TAFA2: variants seen among roughly 807,000 people sequenced by gnomAD.
TAFA2 encodes the protein TAFA chemokine like family member 2, also known as chemokine-like protein TAFA-2.
A neutral mutation model predicts 18.8 loss-of-function variants in TAFA2; 7 were observed. The observed-to-expected ratio is 0.37, with a 90% CI of 0.21 to 0.70. TAFA2 has a LOEUF of 0.70. Ranked by LOEUF, TAFA2 falls within the 30% of genes least tolerant of loss-of-function variation. The pLI is 0.53. For missense variants in TAFA2, 122 were observed against 158.1 expected, an observed-to-expected ratio of 0.77 and a Z score of 1.23; for synonymous variants, 60 against 54.2, an observed-to-expected ratio of 1.11 and a Z score of -0.47.
intron 1 of TAFA2, among the ~76,000 whole-genome samples, chr12:62,078,851 G>C (rs888158456): frequency 2.6e-5 from 4 of 152,148 alleles, no homozygotes; most frequent in Non-Finnish European, 5.9e-5. Flanking sequence ...GACACTCTGG[G>C]TACCTCCATC....
chr12:62,035,545 TA>T (rs1160386018), intron 1 of TAFA2, among the ~76,000 whole-genome samples: 1 of 135,114 alleles, frequency 7.4e-6, no homozygotes. Flanking sequence ...AGCCATAAAA[TA>T]AAAAAAATTA....
chr12:62,015,280 G>A lies in TAFA2; in HGVS notation c.-1-147854C>T, dbSNP rs7309417. ...AGTCCAAGGATCATGTCTATTTTGT[G>A]CACCATTGCACAGCCAGCATCTAAA... On this transcript the variant is annotated intron_variant, in intron 1 of 4. Coordinates refer to ENST00000416284, the MANE Select transcript of TAFA2 (RefSeq NM_178539.5). 7.7e-3 allele frequency among the ~76,000 whole-genome samples: 1,174 copies of A among 152,232 alleles called. 17 individuals carry two copies. The highest frequency in any genetic ancestry group is 0.027 in the African/African-American group (1,123 of 41,524).
intron 1 of TAFA2, among the ~76,000 whole-genome samples, chr12:61,994,885 A>G (rs1214172929): frequency 1.3e-5 from 2 of 151,854 alleles, no homozygotes; most frequent in Non-Finnish European, 2.9e-5. Context: ...TTCTCTCTAA[A>G]CTCTAAAATA....
At chr12:61,851,774 CAAAAAAAAAAAAAAA>C (rs55651727) in intron 2 of TAFA2, among the ~76,000 whole-genome samples, 39 of 14,486 alleles carry the variant, frequency 2.7e-3, no homozygotes, top group East Asian at 6.5e-3. Context: ...GACTCCATCT[CAAAAAAAAAAAAAAA>C]AAAAAAAAAA....
At chr12:62,231,636 A>C (rs2062812402) in intron 1 of TAFA2, among the ~76,000 whole-genome samples, 1 of 152,120 alleles carries the variant, frequency 6.6e-6, no homozygotes, top group South Asian at 2.1e-4. Flanking sequence ...TTTTTAACAA[A>C]ATTTTCCAAA....
At chr12:62,144,248 T>G (rs2062263071) in intron 1 of TAFA2, among the ~76,000 whole-genome samples, 1 of 152,070 alleles carries the variant, frequency 6.6e-6, no homozygotes, top group Non-Finnish European at 1.5e-5. Context: ...CAACCTCCTG[T>G]AAGAAACATC....
intron 1 of TAFA2, among the ~76,000 whole-genome samples, chr12:61,959,363 C>T (rs1286149666): frequency 2.0e-5 from 3 of 151,934 alleles, no homozygotes; most frequent in Non-Finnish European, 2.9e-5. Context: ...GTCACATGGT[C>T]TTTGTATAGG....
intron 1 of TAFA2, among the ~76,000 whole-genome samples, chr12:62,226,975 G>A (rs952081726): frequency 4.6e-5 from 7 of 152,170 alleles, no homozygotes; most frequent in African/African-American, 1.7e-4. Context: ...AGCCTTGGTA[G>A]TCTATCTGAA....
chr12:61,927,484 C>G, intron 1 of TAFA2, among the ~76,000 whole-genome samples: 1 of 152,188 alleles, frequency 6.6e-6, no homozygotes, highest in Admixed American at 6.5e-5. Flanking sequence ...TCAAGGAGAA[C>G]TACAAAACTG....
intron 1 of TAFA2, among the ~76,000 whole-genome samples, chr12:61,869,469 G>A (rs1874502006): frequency 6.6e-6 from 1 of 152,126 alleles, no homozygotes; most frequent in Non-Finnish European, 1.5e-5. Context: ...AATTCACTCT[G>A]TGAGGCACCA....
chr12:61,956,166 A>T (rs1371697788), intron 1 of TAFA2, among the ~76,000 whole-genome samples: 1 of 152,048 alleles, frequency 6.6e-6, no homozygotes, highest in Non-Finnish European at 1.5e-5. Flanking sequence ...AAAAAACTCC[A>T]TTTTATTGCA....
chr12:61,753,106 C>T (rs988981329), intron 4 of TAFA2, among the ~76,000 whole-genome samples: 7 of 151,838 alleles, frequency 4.6e-5, no homozygotes, highest in Non-Finnish European at 1.0e-4. Context: ...ATCTGAAACT[C>T]TTCCTAGTAG....
At chr12:62,074,032 G>A (rs1009209198) in intron 1 of TAFA2, among the ~76,000 whole-genome samples, 2 of 152,208 alleles carry the variant, frequency 1.3e-5, no homozygotes, top group African/African-American at 4.8e-5. Flanking sequence ...CTTGCTTCCA[G>A]TTTGTTGACT....
At chr12:61,938,974 C>G (rs748020588) in intron 1 of TAFA2, among the ~76,000 whole-genome samples, 1 of 151,898 alleles carries the variant, frequency 6.6e-6, no homozygotes, top group Non-Finnish European at 1.5e-5. Context: ...GTACACTACT[C>G]AGGTGGCGGG....
At chr12:62,259,237 C>T (rs1450059733), upstream of TAFA2, among the ~76,000 whole-genome samples, 1 of 152,164 alleles carries the variant, frequency 6.6e-6, no homozygotes, top group East Asian at 1.9e-4. Context: ...CACCCCTGGA[C>T]ATCATGCTCG....
chr12:62,087,526 A>G (rs1257843042), intron 1 of TAFA2, among the ~76,000 whole-genome samples: 5 of 152,166 alleles, frequency 3.3e-5, no homozygotes. Flanking sequence ...CAGAGAGTAT[A>G]GCAAATGCAA....
At chr12:61,733,834 A>G (rs1196407017) in intron 4 of TAFA2, among the ~76,000 whole-genome samples, 6 of 151,678 alleles carry the variant, frequency 4.0e-5, no homozygotes, top group Non-Finnish European at 8.8e-5. Flanking sequence ...CTTGATGGGG[A>G]TGGCATTGAA....
At chr12:61,809,973 T>C (rs1318375636) in intron 2 of TAFA2, among the ~76,000 whole-genome samples, 1 of 151,298 alleles carries the variant, frequency 6.6e-6, no homozygotes, top group African/African-American at 2.5e-5. Context: ...TCTGAAGACA[T>C]AGCTGACCAC....
chr12:61,871,297 C>A (rs779368202), intron 1 of TAFA2, among the ~76,000 whole-genome samples: 2 of 152,116 alleles, frequency 1.3e-5, no homozygotes, highest in African/African-American at 2.4e-5. Flanking sequence ...GGAAAAAAAG[C>A]TGAATGTACA....
Sources: allele counts gnomAD v4.1 joint callset (sites outside exome capture counted in the v4.1 genomes callset), GRCh38; gene constraint gnomAD v4.1.1; transcripts MANE v1.5; gene names NCBI Gene and HGNC (gene_info 2026-07-23, HGNC 2026-07-21).